The following MITF variants were observed in gnomAD, a reference collection of about 807,000 sequenced individuals.
The protein encoded by MITF is microphthalmia-associated transcription factor.
Under a neutral mutation model 60.5 loss-of-function variants are expected in MITF, and 17 were observed. The ratio of observed to expected loss-of-function variants is 0.28; its 90% CI spans 0.19 to 0.42. The LOEUF (loss-of-function observed/expected upper bound fraction) is 0.42. MITF is among the 10% of genes least tolerant of loss of function. MITF has a pLI of 1.00. For missense variants in MITF, 622 were observed against 683.5 expected, an observed-to-expected ratio of 0.91 and a Z score of 1.00; for synonymous variants, 260 against 248.5, an observed-to-expected ratio of 1.05 and a Z score of -0.43.
intron 1 of MITF, among the ~76,000 whole-genome samples, chr3:69,842,507 G>C (rs2107144623): frequency 6.6e-6 from 1 of 152,232 alleles, no homozygotes; most frequent in South Asian, 2.1e-4. Context: ...TCTGAAACTG[G>C]ATCAAAAATT....
In MITF at chr3:69,966,102, G is replaced by T. The variant is rs1271069606; in HGVS notation, c.*854G>T. On this transcript the variant is annotated 3_prime_UTR_variant, in exon 10 of 10. Transcript: ENST00000352241. ...TATTTTTGCTTTTGATAAGAAAACC[G>T]AACTGGGCATATTTCTAATTGGCTT... 4.3e-6 allele frequency: 1 copy of T among 232,376 alleles called. No individual in the cohort carries two copies. Among genetic ancestry groups the T allele is most frequent in the Non-Finnish European group, 8.5e-6 (1 of 117,502 alleles). The allele number at this position is 232,376 out of a possible 1,614,324, so 14.4% of individuals were successfully genotyped here.
rs544181331 is a variant in MITF, at chr3:69,937,675, G to A, written c.355-147G>A. ...TTAAACTTCAGTAATATCAAAATCC[G>A]TTAGCACAGTGCCTGGTACATAACA... is the stretch of plus-strand genomic sequence containing the variant. On this transcript the variant is annotated intron_variant, in intron 2 of 9. Transcript: ENST00000352241. 1.5e-4 allele frequency: 111 copies of A among 731,620 alleles called. 1 individual carries two copies. The African/African-American group carries it at 1.6e-3, about 10-fold the overall frequency. The allele number at this position is 731,620 out of a possible 1,614,324, so 45.3% of individuals were successfully genotyped here.
intron 2 of MITF, among the ~76,000 whole-genome samples, chr3:69,889,239 G>A (rs2064703005): frequency 6.6e-6 from 1 of 151,668 alleles, no homozygotes; most frequent in Non-Finnish European, 1.5e-5. Context: ...TTTGAGATGA[G>A]ACCTTAATCA....
intron 2 of MITF, among the ~76,000 whole-genome samples, chr3:69,919,434 C>A (rs765077992): frequency 3.2e-4 from 49 of 151,976 alleles, no homozygotes; most frequent in Middle Eastern, 3.2e-3. Context: ...TAAAATAAAA[C>A]GATCTAGAAT....
At chr3:69,852,220 A>C (rs780666482) in intron 1 of MITF, among the ~76,000 whole-genome samples, 14 of 152,226 alleles carry the variant, frequency 9.2e-5, no homozygotes, top group Non-Finnish European at 1.8e-4. Context: ...ATATTCCCAC[A>C]GAAAAGTATA....
intron 2 of MITF, among the ~76,000 whole-genome samples, chr3:69,907,203 C>T (rs766613981): frequency 1.5e-4 from 23 of 152,122 alleles, no homozygotes; most frequent in South Asian, 4.2e-4. Context: ...TGAAATATAA[C>T]GTAAGTCGTC....
chr3:69,885,033 G>A (rs2064578039), intron 2 of MITF, among the ~76,000 whole-genome samples: 1 of 151,958 alleles, frequency 6.6e-6, no homozygotes, highest in South Asian at 2.1e-4. Flanking sequence ...TGACCACAAG[G>A]GCATTTTCAT....
At chr3:69,791,351 C>A (rs2062736899) in intron 1 of MITF, among the ~76,000 whole-genome samples, 1 of 152,172 alleles carries the variant, frequency 6.6e-6, no homozygotes, top group Admixed American at 6.5e-5. Context: ...TTCTTCTTAA[C>A]AGCGTGGTGG....
intron 1 of MITF, among the ~76,000 whole-genome samples, chr3:69,796,044 C>A (rs1341664856): frequency 6.6e-6 from 1 of 151,986 alleles, no homozygotes; most frequent in Non-Finnish European, 1.5e-5. Flanking sequence ...AGCAGTGGCA[C>A]AATCTTGACT....
intron 2 of MITF, among the ~76,000 whole-genome samples, chr3:69,905,459 C>T (rs11128150): frequency 0.014 from 2,124 of 151,692 alleles, 21 homozygotes; most frequent in Middle Eastern, 0.054. Flanking sequence ...TACAGGTCTT[C>T]GTGTGGATTC....
intron 1 of MITF, among the ~76,000 whole-genome samples, chr3:69,753,815 C>G (rs965540847): frequency 3.3e-5 from 5 of 152,186 alleles, no homozygotes; most frequent in African/African-American, 1.2e-4. Context: ...TCCTATACCC[C>G]CATTGTATCT....
chr3:69,864,196 A>G (rs1394755209), intron 1 of MITF, among the ~76,000 whole-genome samples: 1 of 152,190 alleles, frequency 6.6e-6, no homozygotes, highest in Non-Finnish European at 1.5e-5. Flanking sequence ...GAAAGTTTAG[A>G]AAATTTGTAC....
At chr3:69,766,273 G>A (rs1171511184) in intron 1 of MITF, among the ~76,000 whole-genome samples, 3 of 150,106 alleles carry the variant, frequency 2.0e-5, no homozygotes, top group African/African-American at 4.9e-5. Flanking sequence ...CCAGCAGCAC[G>A]ATCTCAGCTC....
chr3:69,887,541 T>G (rs2064650165), intron 2 of MITF, among the ~76,000 whole-genome samples: 1 of 152,138 alleles, frequency 6.6e-6, no homozygotes, highest in African/African-American at 2.4e-5. Context: ...AGATCTTATT[T>G]ATAAATTTAG....
At chr3:69,767,502 T>G (rs900751933) in intron 1 of MITF, among the ~76,000 whole-genome samples, 3 of 152,058 alleles carry the variant, frequency 2.0e-5, no homozygotes, top group Non-Finnish European at 4.4e-5. Flanking sequence ...GGAGAGTTGC[T>G]GGAACCCGGG....
At chr3:69,961,854 T>C (rs577705573) in intron 9 of MITF, among the ~76,000 whole-genome samples, 35 of 152,256 alleles carry the variant, frequency 2.3e-4, no homozygotes, top group Non-Finnish European at 4.3e-4. Flanking sequence ...TGTATATTCA[T>C]ATGAAATACG....
chr3:69,902,104 A>T lies in MITF; in HGVS notation c.354+22721A>T, dbSNP rs930968849. On this transcript the variant is annotated intron_variant, in intron 2 of 9. Transcript: ENST00000352241. ...TAGATTGTGTCCCTAATGTTTGGTG[A>T]AAATAAAAATGGAGAGGTGACCATG... is the stretch of plus-strand genomic sequence containing the variant. Among the ~76,000 whole-genome samples, 3 of 152,228 alleles carry T rather than the reference A, an allele frequency of 2.0e-5. No individual in the cohort carries two copies. The East Asian group carries it at 5.8e-4, about 29-fold the overall frequency.
chr3:69,787,018 A>C (rs1225936513), intron 1 of MITF, among the ~76,000 whole-genome samples: 1 of 152,128 alleles, frequency 6.6e-6, no homozygotes, highest in Non-Finnish European at 1.5e-5. Flanking sequence ...CCACTTCGTG[A>C]TGATAAGATG....
At chr3:69,937,732 G>T (rs1011843917) in intron 2 of MITF, 90 bp from the exon 3 acceptor site, 2 of 1,018,396 alleles carry the variant, frequency 2.0e-6, no homozygotes, top group South Asian at 1.3e-5. Flanking sequence ...TTGGTGGCCT[G>T]GTCAGTTTCA....
Sources: gnomAD v4.1 joint callset for allele counts (sites outside exome capture counted in the v4.1 genomes callset) on GRCh38, gnomAD v4.1.1 for gene constraint, MANE v1.5 for transcripts, NCBI Gene and HGNC (gene_info 2026-07-23, HGNC 2026-07-21) for gene names.